The following EYA3 variants were observed in gnomAD, a reference collection of about 807,000 sequenced individuals.
EYA3 encodes the protein EYA transcriptional coactivator and phosphatase 3.
Under a neutral mutation model 80.0 loss-of-function variants are expected in EYA3, and 39 were observed. That is an observed-to-expected ratio of 0.49 (90% CI 0.38 to 0.64). EYA3 has a LOEUF of 0.64. Ranked by LOEUF, EYA3 falls within the 30% of genes least tolerant of loss-of-function variation. The pLI is 0.00. For missense variants in EYA3, 523 were observed against 676.1 expected, an observed-to-expected ratio of 0.77 and a Z score of 2.51; for synonymous variants, 206 against 232.8, an observed-to-expected ratio of 0.88 and a Z score of 1.05.
In EYA3 at chr1:27,970,452, A is replaced by G; in HGVS notation, c.*4014T>C. 1 of 152,230 alleles carries G rather than the reference A, an allele frequency of 6.6e-6. No homozygotes were observed. Among genetic ancestry groups the G allele is most frequent in the East Asian group, 1.9e-4 (1 of 5,202 alleles). 9.4% of individuals were successfully genotyped at this position (152,230 alleles called of 1,614,324 possible). A position where few individuals can be genotyped will look rare whatever the true frequency, so the allele number is the denominator to read the frequency against. ...CACAAATGCCCGCAGTCACATAAAT[A>G]TATCCAATCCAATCAATGCCTTTTC... On this transcript the variant is annotated 3_prime_UTR_variant, in exon 18 of 18. Transcript: ENST00000373871.
chr1:28,086,934 G>A (rs572060239), intron 1 of EYA3, among the ~76,000 whole-genome samples: 198 of 152,290 alleles, frequency 1.3e-3, no homozygotes, highest in Non-Finnish European at 2.2e-3. Flanking sequence ...CAGCTGAAGA[G>A]AGCCCAATTT....
At chr1:27,995,248 A>G (rs1436239153) in intron 13 of EYA3, among the ~76,000 whole-genome samples, 2 of 151,432 alleles carry the variant, frequency 1.3e-5, no homozygotes, top group Non-Finnish European at 2.9e-5. Context: ...TCTAAAAAAA[A>G]AAAAAATGGA....
At chr1:27,991,575 G>A (rs1369884676) in intron 14 of EYA3, among the ~76,000 whole-genome samples, 2 of 152,118 alleles carry the variant, frequency 1.3e-5, no homozygotes, top group Admixed American at 6.6e-5. Context: ...AAAAGCAGAT[G>A]GCATTTTTGT....
At chr1:28,058,253 T>C (rs1191214917) in intron 1 of EYA3, among the ~76,000 whole-genome samples, 159 bp from the exon 2 acceptor site, 1 of 152,190 alleles carries the variant, frequency 6.6e-6, no homozygotes, top group African/African-American at 2.4e-5. Flanking sequence ...AAAAATGACA[T>C]GCTACACCAA....
chr1:28,009,196 G>A lies in EYA3; in HGVS notation c.909+1751C>T, dbSNP rs1298185387. ...CTCAGATAGATAATTGTACACCAAT[G>A]GTCAAAGCAGCATTACTCACAATAG... On this transcript the variant is annotated intron_variant, in intron 10 of 17. Coordinates refer to ENST00000373871, the MANE Select transcript of EYA3 (RefSeq NM_001990.4). The surrounding 1 kb of genome is among the most constrained non-coding windows in gnomAD (Gnocchi z 4.8). 6.6e-6 allele frequency among the ~76,000 whole-genome samples: 1 copy of A among 152,124 alleles called. No individual in the cohort carries two copies. Among genetic ancestry groups the A allele is most frequent in the East Asian group, 1.9e-4 (1 of 5,196 alleles).
chr1:28,031,232 A>G (rs1643121050), intron 6 of EYA3, among the ~76,000 whole-genome samples: 1 of 152,216 alleles, frequency 6.6e-6, no homozygotes, highest in African/African-American at 2.4e-5. Flanking sequence ...CTCCAGCATC[A>G]CTGTAGACCT....
intron 5 of EYA3, among the ~76,000 whole-genome samples, chr1:28,035,910 G>C (rs534329293): frequency 6.6e-6 from 1 of 152,240 alleles, no homozygotes; most frequent in East Asian, 1.9e-4. Context: ...TGCCTCCCCG[G>C]TTCAAGCAAT....
intron 16 of EYA3, among the ~76,000 whole-genome samples, chr1:27,980,675 C>T (rs1039267758): frequency 6.6e-6 from 1 of 152,120 alleles, no homozygotes; most frequent in African/African-American, 2.4e-5. Flanking sequence ...ATATGTCAAG[C>T]AATTGAAGCT....
intron 3 of EYA3, among the ~76,000 whole-genome samples, chr1:28,043,880 G>C (rs771774432): frequency 4.6e-5 from 7 of 151,910 alleles, no homozygotes; most frequent in Non-Finnish European, 8.8e-5. Flanking sequence ...AAAATTATAC[G>C]TTTGTTTCCA....
At position 27,978,467 on chromosome 1, in the gene EYA3, C is replaced by T; in HGVS notation, c.1548G>A (p.Glu516=). 6.2e-7 allele frequency: 1 copy of T among 1,613,748 alleles called. No individual in the cohort carries two copies. Residue 516 remains glutamate (E), a synonymous_variant, in exon 17 of 18, where the codon GAG becomes GAA. Coordinates refer to ENST00000373871, the MANE Select transcript of EYA3 (RefSeq NM_001990.4). ...NIYSATKIGK[E]SCFERIVSRF... is the part of the protein sequence containing the mutation. The stretch of plus-strand genomic sequence containing the variant: ...TTGACACAATTCTCTCAAAGCAGCT[C>T]TCCTTACCTGATGAGAAAAAGAAAT...
intron 16 of EYA3, among the ~76,000 whole-genome samples, chr1:27,979,397 C>A (rs1000697386): frequency 1.9e-4 from 29 of 152,144 alleles, no homozygotes; most frequent in African/African-American, 6.8e-4. Context: ...ATATCTGGAA[C>A]CTCCTTACTT....
At chr1:28,071,623 T>C (rs1399060005) in intron 1 of EYA3, among the ~76,000 whole-genome samples, 1 of 152,200 alleles carries the variant, frequency 6.6e-6, no homozygotes, top group Non-Finnish European at 1.5e-5. Context: ...TCTTTTTTGT[T>C]TGTCTTGAAT....
At chr1:28,075,228 C>A (rs1645159960) in intron 1 of EYA3, among the ~76,000 whole-genome samples, 1 of 152,196 alleles carries the variant, frequency 6.6e-6, no homozygotes, top group South Asian at 2.1e-4. Context: ...CTTCTAGATT[C>A]CCAGAAATAT....
At position 28,064,949 on chromosome 1, in the gene EYA3, T is replaced by C. The variant is rs540651501; in HGVS notation, c.-68-6855A>G. 2.0e-5 allele frequency among the ~76,000 whole-genome samples: 3 copies of C among 152,264 alleles called. No homozygotes were observed. The East Asian group carries it at 5.8e-4, about 29-fold the overall frequency. ...ATAATGTTGCAGGTTGAAGTGAAAATACCTTAAATAAAGAGACTAGATAAT... is the reference window on the plus strand; with the variant it reads ...ATAATGTTGCAGGTTGAAGTGAAAACACCTTAAATAAAGAGACTAGATAAT... On this transcript the variant is annotated intron_variant, in intron 1 of 17. Coordinates refer to ENST00000373871, the MANE Select transcript of EYA3 (RefSeq NM_001990.4).
intron 1 of EYA3, among the ~76,000 whole-genome samples, chr1:28,076,382 C>T (rs575798452): frequency 3.5e-4 from 54 of 152,212 alleles, no homozygotes; most frequent in South Asian, 1.2e-3. Flanking sequence ...TAGGCTCTAA[C>T]AAATTCTTAA....
At position 28,015,541 on chromosome 1, in the gene EYA3, A is replaced by G. The variant is rs190926881; in HGVS notation, c.585+1613T>C. Among the ~76,000 whole-genome samples the G allele has an allele frequency of 2.8e-3, 423 of 152,286 alleles. 4 individuals are homozygous for G. Among genetic ancestry groups the G allele is most frequent in the South Asian group, 0.016 (77 of 4,818 alleles). On this transcript the variant is annotated intron_variant, in intron 8 of 17. Coordinates refer to ENST00000373871, the MANE Select transcript of EYA3 (RefSeq NM_001990.4). ...GAGACTCTGTCTCAAAAAACAAACAAACAAACAAAAAACATGAAAATATTC... is the reference window on the plus strand; with the variant it reads ...GAGACTCTGTCTCAAAAAACAAACAGACAAACAAAAAACATGAAAATATTC...
At chr1:28,002,364 T>TAAAAATATAAAA (rs1640924453) in intron 11 of EYA3, among the ~76,000 whole-genome samples, 1 of 151,888 alleles carries the variant, frequency 6.6e-6, no homozygotes, top group Admixed American at 6.6e-5. Flanking sequence ...ATAAAATTTT[T>TAAAAATATAAAA]ATACACATTT....
chr1:28,022,224 C>T (rs1642487607), intron 7 of EYA3, among the ~76,000 whole-genome samples: 1 of 152,150 alleles, frequency 6.6e-6, no homozygotes, highest in South Asian at 2.1e-4. Flanking sequence ...TCTCGACTCA[C>T]TGCAAGCTCC....
intron 16 of EYA3, among the ~76,000 whole-genome samples, chr1:27,982,156 G>A (rs1046276412): frequency 5.3e-5 from 8 of 151,994 alleles, no homozygotes; most frequent in Middle Eastern, 3.4e-3. Context: ...ACAGGTGCCC[G>A]CCACCATGCC....
Sources: gnomAD v4.1 joint callset for allele counts (sites outside exome capture counted in the v4.1 genomes callset) on GRCh38, gnomAD v4.1.1 for gene constraint, Gnocchi (gnomAD v3.1) non-coding constraint, MANE v1.5 for transcripts, NCBI Gene and HGNC (gene_info 2026-07-23, HGNC 2026-07-21) for gene names.